MECOM: variants seen among roughly 807,000 people sequenced by gnomAD.
MECOM encodes histone-lysine N-methyltransferase MECOM.
Under a neutral mutation model 116.3 loss-of-function variants are expected in MECOM, and 13 were observed. The observed-to-expected ratio is 0.11, with a 90% CI of 0.07 to 0.18. MECOM has a LOEUF of 0.18. Ranked by LOEUF, MECOM falls within the 10% of genes least tolerant of loss-of-function variation. The pLI, the probability that MECOM is intolerant of heterozygous loss-of-function variation, is 1.00. For missense variants in MECOM, 1,299 were observed against 1,509.0 expected (o/e 0.86, Z 2.31); for synonymous variants, 528 against 535.2 (o/e 0.99, Z 0.19).
chr3:169,494,948 A>T (rs78437343), intron 1 of MECOM, among the ~76,000 whole-genome samples: 4,300 of 152,280 alleles, frequency 0.028, 194 homozygotes, highest in African/African-American at 0.098. Context: ...TGGAGAGGAG[A>T]ATCGTGTTTG....
chr3:169,656,537 C>A (rs762341558), intron 1 of MECOM, among the ~76,000 whole-genome samples: 2 of 152,108 alleles, frequency 1.3e-5, no homozygotes, highest in Non-Finnish European at 2.9e-5. Flanking sequence ...CACAAAACAG[C>A]TTTTATAATA....
At chr3:169,615,512 C>A (rs1254850898) in intron 1 of MECOM, among the ~76,000 whole-genome samples, 1 of 152,168 alleles carries the variant, frequency 6.6e-6, no homozygotes, top group Non-Finnish European at 1.5e-5. Context: ...TGAAACTTGT[C>A]CACCTTTTTC....
chr3:169,366,249 C>G (rs1043355544), intron 2 of MECOM, among the ~76,000 whole-genome samples: 1 of 151,930 alleles, frequency 6.6e-6, no homozygotes, highest in Non-Finnish European at 1.5e-5. Context: ...GGATCACTCT[C>G]CATCTGTGCT....
At chr3:169,390,787 A>C (rs1330536874) in intron 1 of MECOM, among the ~76,000 whole-genome samples, 1 of 152,178 alleles carries the variant, frequency 6.6e-6, no homozygotes, top group African/African-American at 2.4e-5. Flanking sequence ...ACCAAAACTC[A>C]GGAGCTACAC....
intron 2 of MECOM, among the ~76,000 whole-genome samples, chr3:169,363,560 C>T (rs1728665697): frequency 6.6e-6 from 1 of 151,890 alleles, no homozygotes; most frequent in Non-Finnish European, 1.5e-5. Flanking sequence ...GAGTCCTGGG[C>T]TTCCTGAACT....
chr3:169,388,300 T>A (rs1355565295), intron 1 of MECOM, among the ~76,000 whole-genome samples: 1 of 152,182 alleles, frequency 6.6e-6, no homozygotes, highest in Non-Finnish European at 1.5e-5. Context: ...TTACAGAGGC[T>A]TGTTTGTGAG....
In MECOM at chr3:169,592,310, C is replaced by A. The variant is rs529306545; in HGVS notation, c.37+71026G>T. Among the ~76,000 whole-genome samples the A allele has an allele frequency of 3.3e-4, 50 of 152,328 alleles. No individual in the cohort carries two copies. In the South Asian group the frequency reaches 0.01, roughly 31 times the overall value. On this transcript the variant is annotated intron_variant, in intron 1 of 16. Coordinates refer to ENST00000651503, the MANE Select transcript of MECOM (RefSeq NM_004991.4). ...CCACAACTCCTAAAGACGGATGTGG[C>A]TGCCTCCAGTCCAGAAGGCCTCTTC...
rs559438199 is a variant in MECOM, at chr3:169,509,888, C to T, written c.38-128364G>A. On this transcript the variant is annotated intron_variant, in intron 1 of 16. Transcript: ENST00000651503. ...TTTGCGATTCAGGAAGAGTCCAAGC[C>T]GACTCAAAGGCAGCCGGTCAGCATC... 9.2e-5 allele frequency among the ~76,000 whole-genome samples: 14 copies of T among 152,288 alleles called. No individual in the cohort carries two copies. The East Asian group carries it at 2.3e-3, about 25-fold the overall frequency.
At chr3:169,272,413 G>T (rs1394437686) in intron 2 of MECOM, among the ~76,000 whole-genome samples, 1 of 152,064 alleles carries the variant, frequency 6.6e-6, no homozygotes, top group Non-Finnish European at 1.5e-5. Flanking sequence ...CCACACAACT[G>T]GTTAGTGAGA....
chr3:169,145,143 AACACACACACACACAC>A lies in MECOM; in HGVS notation c.376-1327_376-1312del, dbSNP rs67598122. The A allele has an allele frequency of 7.0e-4, 359 of 513,168 alleles. 1 individual carries two copies. The highest frequency in any genetic ancestry group is 2.2e-3 in the Middle Eastern group (6 of 2,750). The allele number at this position is 513,168 out of a possible 1,614,324, so 31.8% of individuals were successfully genotyped here. ...CGAACATAAGATAGGGATATTATTA[AACACACACACACACAC>A]ACACACACACACACACACACACACA... On this transcript the variant is annotated intron_variant, in intron 2 of 16. Transcript: ENST00000651503.
chr3:169,271,388 C>A (rs1447241036), intron 2 of MECOM, among the ~76,000 whole-genome samples: 1 of 152,162 alleles, frequency 6.6e-6, no homozygotes, highest in East Asian at 1.9e-4. Context: ...CAAATAATCG[C>A]TAAATTACCA....
intron 2 of MECOM, among the ~76,000 whole-genome samples, chr3:169,160,289 T>C (rs529045034): frequency 6.6e-6 from 1 of 151,916 alleles, no homozygotes; most frequent in South Asian, 2.1e-4. Context: ...GAGAAAGGAT[T>C]TTTTTGGAGA....
intron 1 of MECOM, among the ~76,000 whole-genome samples, chr3:169,520,992 A>G (rs9863296): frequency 0.055 from 8,362 of 152,254 alleles, 740 homozygotes; most frequent in African/African-American, 0.19. Flanking sequence ...GCATATACAC[A>G]AGGTCTGTCA....
chr3:169,360,862 G>A (rs771287180), intron 2 of MECOM, among the ~76,000 whole-genome samples: 1 of 151,804 alleles, frequency 6.6e-6, no homozygotes, highest in Non-Finnish European at 1.5e-5. Flanking sequence ...AAGATGCCAT[G>A]TCAGTCCATA....
chr3:169,149,476 C>G (rs991101695), intron 2 of MECOM: 1 of 239,030 alleles, frequency 4.2e-6, no homozygotes, highest in Non-Finnish European at 8.8e-6. Flanking sequence ...GCAGGTACGG[C>G]AGGACGCCGG....
chr3:169,193,370 A>G (rs1247627209), intron 2 of MECOM, among the ~76,000 whole-genome samples: 1 of 152,056 alleles, frequency 6.6e-6, no homozygotes, highest in Non-Finnish European at 1.5e-5. Context: ...TTTGTTGAAC[A>G]TCACTGGAAT....
chr3:169,364,050 G>A (rs1728762899), intron 2 of MECOM, among the ~76,000 whole-genome samples: 1 of 151,794 alleles, frequency 6.6e-6, no homozygotes, highest in South Asian at 2.1e-4. Context: ...CGTTTGCTGT[G>A]GTTTACTCTT....
intron 2 of MECOM, among the ~76,000 whole-genome samples, chr3:169,226,401 A>C (rs2149510810): frequency 6.6e-6 from 1 of 152,314 alleles, no homozygotes; most frequent in African/African-American, 2.4e-5. Context: ...CTGTATATGA[A>C]GTATTTTATC....
At chr3:169,448,917 C>A (rs896984055) in intron 1 of MECOM, among the ~76,000 whole-genome samples, 3 of 152,102 alleles carry the variant, frequency 2.0e-5, no homozygotes, top group Non-Finnish European at 4.4e-5. Flanking sequence ...ACACTGGAAT[C>A]CAGATTTTGA....
Sources: allele counts gnomAD v4.1 joint callset (sites outside exome capture counted in the v4.1 genomes callset), GRCh38; gene constraint gnomAD v4.1.1; transcripts MANE v1.5; gene names NCBI Gene and HGNC (gene_info 2026-07-23, HGNC 2026-07-21).